CLASP1: variants seen among roughly 807,000 people sequenced by gnomAD.
CLASP1 encodes the protein cytoplasmic linker associated protein 1.
Under a neutral mutation model 192.3 loss-of-function variants are expected in CLASP1, and 38 were observed. The observed-to-expected ratio is 0.20, with a 90% CI of 0.15 to 0.26. The LOEUF (loss-of-function observed/expected upper bound fraction) is 0.26. CLASP1 is among the 10% of genes least tolerant of loss of function. The pLI is 1.00. For missense variants in CLASP1, 1,433 were observed against 1,932.5 expected, an observed-to-expected ratio of 0.74 and a Z score of 4.85; for synonymous variants, 691 against 712.8, an observed-to-expected ratio of 0.97 and a Z score of 0.49.
chr2:121,604,121 C>A (rs1366300093), intron 2 of CLASP1, among the ~76,000 whole-genome samples: 1 of 152,182 alleles, frequency 6.6e-6, no homozygotes, highest in Admixed American at 6.5e-5. Flanking sequence ...ATATTAATTA[C>A]CCTGACCTGA....
rs1553464175 is a variant in CLASP1, at chr2:121,367,569, TAAGAA to T, written c.3886+14_3886+18del. The T allele has an allele frequency of 7.4e-6, 12 of 1,613,600 alleles. No individual in the cohort carries two copies. The highest frequency in any genetic ancestry group is 1.0e-5 in the Non-Finnish European group (12 of 1,179,762). On this transcript the variant is annotated intron_variant, in intron 35 of 39. Transcript: ENST00000263710. Reference sequence around the variant, plus strand: ...GGAAGCACTTCTGGGTGGGGACAGTTAAGAAAAGAGACACCAACCGTCTCGAAGCT... The same window carrying T: ...GGAAGCACTTCTGGGTGGGGACAGTTAAGAGACACCAACCGTCTCGAAGCT...
intron 2 of CLASP1, chr2:121,530,953 A>C (rs777507405): frequency 5.7e-6 from 4 of 700,316 alleles, no homozygotes; most frequent in Admixed American, 2.0e-5. Context: ...ACGCCTGAAC[A>C]ACACACCCGC....
chr2:121,469,922 T>C, exon 9 of CLASP1: 6 of 1,612,946 alleles, frequency 3.7e-6, no homozygotes, highest in Non-Finnish European at 5.1e-6. Context: ...GAGGAAGGTC[T>C]GTTACCATCC....
chr2:121,540,280 G>A (rs1052928109), intron 2 of CLASP1, among the ~76,000 whole-genome samples: 1 of 152,134 alleles, frequency 6.6e-6, no homozygotes, highest in African/African-American at 2.4e-5. Context: ...GTTACACTCA[G>A]CAATACAAAA....
At chr2:121,547,392 AC>A (rs969535886) in intron 2 of CLASP1, among the ~76,000 whole-genome samples, 2 of 146,246 alleles carry the variant, frequency 1.4e-5, no homozygotes, top group South Asian at 4.6e-4. Context: ...GGGCCCACCC[AC>A]CCCCCTACTC....
chr2:121,639,945 C>A (rs936935013), intron 1 of CLASP1, among the ~76,000 whole-genome samples: 45 of 151,056 alleles, frequency 3.0e-4, no homozygotes, highest in Non-Finnish European at 5.6e-4. Context: ...GCACAATTCA[C>A]AACAACAAAG....
At chr2:121,459,814 C>CA in intron 12 of CLASP1, 166 bp downstream of exon 12, 1 of 511,604 alleles carries the variant, frequency 2.0e-6, no homozygotes, top group Non-Finnish European at 3.2e-6. Context: ...CATAATTGAG[C>CA]AAAAAGTATT....
chr2:121,571,037 AGAGAG>A (rs2059928743), intron 2 of CLASP1, among the ~76,000 whole-genome samples: 1 of 152,052 alleles, frequency 6.6e-6, no homozygotes, highest in Non-Finnish European at 1.5e-5. Flanking sequence ...TATGACTATA[AGAGAG>A]GAAATTGTCA....
chr2:121,385,209 A>G (rs1306820885), intron 32 of CLASP1, among the ~76,000 whole-genome samples: 3 of 152,212 alleles, frequency 2.0e-5, no homozygotes, highest in Non-Finnish European at 2.9e-5. Flanking sequence ...AGTTTTTCCC[A>G]CTGCTGGACA....
chr2:121,544,676 AGGAGTT>A (rs2095295778), intron 2 of CLASP1, among the ~76,000 whole-genome samples: 1 of 152,094 alleles, frequency 6.6e-6, no homozygotes, highest in South Asian at 2.1e-4. Context: ...TAGACATATA[AGGAGTT>A]ACTAAACACA....
At chr2:121,478,771 C>CCACACACCCCA (rs1553568264) in intron 8 of CLASP1, among the ~76,000 whole-genome samples, 10,273 of 44,024 alleles carry the variant, frequency 0.23, 1,791 homozygotes, top group African/African-American at 0.47. Context: ...ACCACACACC[C>CCACACACCCCA]CACACACACA....
At chr2:121,421,459 C>G (rs1031331925) in intron 22 of CLASP1, among the ~76,000 whole-genome samples, 1 of 152,064 alleles carries the variant, frequency 6.6e-6, no homozygotes, top group Admixed American at 6.5e-5. Flanking sequence ...TGTTGCCCAG[C>G]CTGGTCTTGA....
intron 7 of CLASP1, among the ~76,000 whole-genome samples, chr2:121,511,510 C>T (rs1275939392): frequency 4.0e-5 from 6 of 151,804 alleles, no homozygotes; most frequent in Non-Finnish European, 5.9e-5. Context: ...ATCAGTTGAA[C>T]CCAGGAGGTG....
intron 2 of CLASP1, chr2:121,530,548 AT>A: frequency 1.8e-6 from 1 of 553,722 alleles, no homozygotes; most frequent in South Asian, 2.4e-5. Context: ...GAGAAACGAA[AT>A]AAAAGGCAAT....
intron 1 of CLASP1, among the ~76,000 whole-genome samples, chr2:121,638,394 C>T (rs2071317036): frequency 1.3e-5 from 2 of 152,018 alleles, no homozygotes; most frequent in Admixed American, 6.6e-5. Context: ...AATGGTACAG[C>T]CACTGTGAAA....
At chr2:121,578,726 C>T (rs1478027149) in intron 2 of CLASP1, among the ~76,000 whole-genome samples, 1 of 105,724 alleles carries the variant, frequency 9.5e-6, no homozygotes, top group Non-Finnish European at 2.3e-5. Flanking sequence ...GACTCCGTCT[C>T]AAAAAAAAAA....
chr2:121,445,170 T>A (rs2084094203), intron 19 of CLASP1, among the ~76,000 whole-genome samples: 1 of 152,162 alleles, frequency 6.6e-6, no homozygotes, highest in African/African-American at 2.4e-5. Context: ...AGCATAATGG[T>A]TTTTTTGCCT....
chr2:121,531,023 C>A, intron 2 of CLASP1: 2 of 700,256 alleles, frequency 2.9e-6, no homozygotes, highest in South Asian at 1.5e-5. Flanking sequence ...AACCTGTTTT[C>A]ATAGACTTAT....
chr2:121,377,746 T>C (rs563873366), intron 33 of CLASP1, 97 bp from the exon 35 acceptor site: 258 of 859,314 alleles, frequency 3.0e-4, no homozygotes, highest in Non-Finnish European at 3.9e-4. Context: ...GAATAAGACA[T>C]ATTTATAGTT....
Sources: allele counts gnomAD v4.1 joint callset (sites outside exome capture counted in the v4.1 genomes callset), GRCh38; gene constraint gnomAD v4.1.1; transcripts MANE v1.5; gene names NCBI Gene and HGNC (gene_info 2026-07-23, HGNC 2026-07-21).